Variants in KALRN observed in about 807,000 individuals in gnomAD.
KALRN encodes kalirin RhoGEF kinase, also known as kalirin.
In KALRN, 70 loss-of-function variants were observed where a neutral mutation model predicts 353.7. The ratio of observed to expected loss-of-function variants is 0.20; its 90% CI spans 0.16 to 0.24. KALRN has a LOEUF of 0.24. Among genes scored for constraint, KALRN ranks in the 10% least tolerant of loss-of-function variants. The pLI is 1.00. For missense variants in KALRN, 2,791 were observed against 3,756.7 expected (o/e 0.74, Z 6.72); for synonymous variants, 1,391 against 1,434.8 (o/e 0.97, Z 0.69).
intron 13 of KALRN, 99 bp from the exon 14 acceptor site, chr3:124,413,371 G>C (rs1480705687): frequency 3.2e-6 from 3 of 941,840 alleles, no homozygotes; most frequent in Non-Finnish European, 4.8e-6. Context: ...ACTTAACTGA[G>C]GGGTGGATTC....
intron 6 of KALRN, among the ~76,000 whole-genome samples, chr3:124,310,286 A>G (rs1205115379): frequency 6.6e-6 from 1 of 152,166 alleles, no homozygotes; most frequent in Non-Finnish European, 1.5e-5. Context: ...ATGAAAAAAA[A>G]TCTCATGTTC....
At chr3:124,628,163 T>TCCCTTCCTC (rs1561462695) in intron 34 of KALRN, among the ~76,000 whole-genome samples, 1 of 43,410 alleles carries the variant, frequency 2.3e-5, no homozygotes, top group Admixed American at 2.0e-4. Context: ...CTCCCTCCCT[T>TCCCTTCCTC]CCTTCCTTCC....
chr3:124,356,509 T>C (rs11920717), intron 10 of KALRN, among the ~76,000 whole-genome samples: 8,097 of 151,928 alleles, frequency 0.053, 692 homozygotes, highest in African/African-American at 0.18. Flanking sequence ...AATTTTTGTA[T>C]TTTTAGTAGA....
At position 124,322,911 on chromosome 3, in the gene KALRN, G is replaced by A. The variant is rs924825450; in HGVS notation, c.1093-3069G>A. Among the ~76,000 whole-genome samples, 3 of 152,214 alleles carry A rather than the reference G, an allele frequency of 2.0e-5. No homozygotes were observed. The South Asian group carries it at 6.2e-4, about 31-fold the overall frequency. On this transcript the variant is annotated intron_variant, in intron 6 of 59. Transcript: ENST00000682506. ...GGAGAAGATGATGAACTTGAGCGAT[G>A]TGACTTGCCTGAAGTGTTTCATATT...
chr3:124,496,450 T>A (rs890679755), intron 33 of KALRN, 37 bp downstream of exon 33: 1 of 1,470,662 alleles, frequency 6.8e-7, no homozygotes, highest in African/African-American at 1.4e-5. Flanking sequence ...CCCTGAGACT[T>A]CTTGATGGCT....
At chr3:124,320,904 C>T (rs1035885835) in intron 6 of KALRN, among the ~76,000 whole-genome samples, 5 of 152,202 alleles carry the variant, frequency 3.3e-5, no homozygotes, top group African/African-American at 1.2e-4. Context: ...GCAGCATTAA[C>T]AGCTATAGTA....
chr3:124,359,375 A>T (rs1402851829), intron 10 of KALRN, among the ~76,000 whole-genome samples: 3 of 152,224 alleles, frequency 2.0e-5, no homozygotes, highest in East Asian at 3.8e-4. Flanking sequence ...CCCAGACCAG[A>T]TAGTTATTTC....
At chr3:124,360,810 T>C (rs1397515742) in intron 10 of KALRN, among the ~76,000 whole-genome samples, 1 of 152,214 alleles carries the variant, frequency 6.6e-6, no homozygotes, top group Admixed American at 6.5e-5. Context: ...GCCTCAGGAA[T>C]GTGCTTGCTG....
chr3:124,247,138 A>C (rs1032751600), intron 3 of KALRN, among the ~76,000 whole-genome samples: 9 of 152,128 alleles, frequency 5.9e-5, no homozygotes, highest in African/African-American at 2.2e-4. Flanking sequence ...TTTTGTAGAG[A>C]CTGCCTTTAT....
At chr3:124,154,735 T>G (rs1254541606) in intron 1 of KALRN, among the ~76,000 whole-genome samples, 2 of 152,180 alleles carry the variant, frequency 1.3e-5, no homozygotes, top group African/African-American at 2.4e-5. Flanking sequence ...ACCAATGACT[T>G]TCTTCACAGA....
chr3:124,243,319 G>A (rs7641430), intron 3 of KALRN, among the ~76,000 whole-genome samples: 1,705 of 152,298 alleles, frequency 0.011, 22 homozygotes, highest in African/African-American at 0.037. Context: ...AGGTTGTAGG[G>A]AGTGGGGAAG....
intron 1 of KALRN, among the ~76,000 whole-genome samples, chr3:124,131,502 T>C (rs2065271401): frequency 6.6e-6 from 1 of 152,200 alleles, no homozygotes; most frequent in African/African-American, 2.4e-5. Flanking sequence ...AGAAGTAAGA[T>C]TGTACTTGAA....
chr3:124,531,751 C>T (rs765756247), intron 33 of KALRN, among the ~76,000 whole-genome samples: 7 of 152,138 alleles, frequency 4.6e-5, no homozygotes, highest in Non-Finnish European at 7.4e-5. Flanking sequence ...GAAACACCTC[C>T]CTGATCCAGT....
intron 34 of KALRN, among the ~76,000 whole-genome samples, chr3:124,565,049 T>C (rs1228000606): frequency 6.6e-6 from 1 of 152,208 alleles, no homozygotes; most frequent in Non-Finnish European, 1.5e-5. Context: ...AACTGTGAAC[T>C]CAGAACATAT....
chr3:124,678,939 T>G (rs542794005), intron 50 of KALRN, among the ~76,000 whole-genome samples: 22 of 151,742 alleles, frequency 1.4e-4, no homozygotes, highest in Non-Finnish European at 4.4e-5. Flanking sequence ...TGAAACAATG[T>G]CATCTGCTTT....
At position 124,668,771 on chromosome 3, in the gene KALRN, A is replaced by G. The variant is rs148251254; in HGVS notation, c.6703+1588A>G. ...TGAGGGATGGTAATGAAAGTTTTAT[A>G]TGGCTTATGATTTCTGAATATAATA... On this transcript the variant is annotated intron_variant, in intron 47 of 59. Transcript: ENST00000682506. 8.5e-5 allele frequency among the ~76,000 whole-genome samples: 13 copies of G among 152,338 alleles called. No homozygotes were observed. The East Asian group carries it at 2.3e-3, about 27-fold the overall frequency.
intron 3 of KALRN, among the ~76,000 whole-genome samples, chr3:124,253,215 A>G (rs1000151448): frequency 6.6e-5 from 10 of 152,228 alleles, no homozygotes; most frequent in Non-Finnish European, 1.5e-4. Flanking sequence ...TCCCACAGCC[A>G]GAGACTCTCC....
intron 34 of KALRN, among the ~76,000 whole-genome samples, chr3:124,564,698 T>G (rs915658901): frequency 6.6e-6 from 1 of 152,170 alleles, no homozygotes; most frequent in Non-Finnish European, 1.5e-5. Context: ...TTTTTAAATT[T>G]AATTTTAAAA....
intron 45 of KALRN, among the ~76,000 whole-genome samples, 154 bp from the exon 46 acceptor site, chr3:124,666,295 G>A (rs567870157): frequency 1.3e-5 from 2 of 152,228 alleles, no homozygotes; most frequent in Non-Finnish European, 2.9e-5. Context: ...TGGATGAGTG[G>A]GTGGGTCCTA....
Sources: allele counts gnomAD v4.1 joint callset (sites outside exome capture counted in the v4.1 genomes callset), GRCh38; gene constraint gnomAD v4.1.1; transcripts MANE v1.5; gene names NCBI Gene and HGNC (gene_info 2026-07-23, HGNC 2026-07-21).